The following COX7B2 variants were observed in gnomAD, a reference collection of about 807,000 sequenced individuals.
COX7B2 encodes cytochrome c oxidase subunit 7B2, mitochondrial.
For missense variants in COX7B2, 109 were observed against 95.9 expected (o/e 1.14, Z -0.57); for synonymous variants, 37 against 32.1 (o/e 1.15, Z -0.51).
chr4:46,839,614 A>T lies in COX7B2; in HGVS notation c.-50+5346T>A, dbSNP rs532670027. On this transcript the variant is annotated intron_variant, in intron 2 of 2. Coordinates refer to ENST00000355591, the MANE Select transcript of COX7B2 (RefSeq NM_130902.3). ...AGAGATTCATTTCCTGATTATCGAA[A>T]TTTTTCATATTTTAGGGCATCCTGA... Among the ~76,000 whole-genome samples the T allele has an allele frequency of 2.0e-5, 3 of 152,098 alleles. No homozygotes were observed. In the South Asian group the frequency reaches 6.2e-4, roughly 32 times the overall value.
chr4:46,763,574 C>CT (rs1716350488), intron 2 of COX7B2, among the ~76,000 whole-genome samples: 1 of 151,968 alleles, frequency 6.6e-6, no homozygotes, highest in South Asian at 2.1e-4. Context: ...AAATTTAGCC[C>CT]TTTTTTCATC....
At position 46,840,193 on chromosome 4, in the gene COX7B2, A is replaced by G. The variant is rs145830625; in HGVS notation, c.-50+4767T>C. Among the ~76,000 whole-genome samples, 74 of 152,092 alleles carry G rather than the reference A, an allele frequency of 4.9e-4. 1 individual carries two copies. In the East Asian group the frequency reaches 0.014, roughly 28 times the overall value. On this transcript the variant is annotated intron_variant, in intron 2 of 2. Transcript: ENST00000355591. ...ATCATGTCTACCTTCCAGGAATGAG[A>G]AAGGAGGAAGGGGCCTGAAGGAAGA...
At chr4:46,847,313 G>A (rs754297883) in intron 1 of COX7B2, among the ~76,000 whole-genome samples, 6 of 152,080 alleles carry the variant, frequency 3.9e-5, no homozygotes, top group Admixed American at 2.6e-4. Context: ...AAGGAACTGA[G>A]GGAAGCCTCT....
intron 2 of COX7B2, among the ~76,000 whole-genome samples, chr4:46,810,019 G>A (rs914030401): frequency 1.3e-5 from 2 of 151,824 alleles, no homozygotes; most frequent in African/African-American, 4.8e-5. Flanking sequence ...GTTACTTTTT[G>A]ACTTCAAGTC....
At chr4:46,760,101 T>C (rs1577672591) in intron 2 of COX7B2, among the ~76,000 whole-genome samples, 1 of 151,996 alleles carries the variant, frequency 6.6e-6, no homozygotes, top group Non-Finnish European at 1.5e-5. Flanking sequence ...ATAATCTATA[T>C]GTGGAAGGAA....
At chr4:46,763,590 T>C (rs1312190770) in intron 2 of COX7B2, among the ~76,000 whole-genome samples, 1 of 152,142 alleles carries the variant, frequency 6.6e-6, no homozygotes, top group Non-Finnish European at 1.5e-5. Flanking sequence ...TCATCACGCT[T>C]ATTTATAACT....
chr4:46,763,505 C>A (rs1231837459), intron 2 of COX7B2, among the ~76,000 whole-genome samples: 2 of 151,660 alleles, frequency 1.3e-5, no homozygotes, highest in Admixed American at 1.3e-4. Context: ...CAAAACATGG[C>A]CTCCCATTCT....
chr4:46,841,964 A>G (rs1486013314), intron 2 of COX7B2, among the ~76,000 whole-genome samples: 2 of 152,026 alleles, frequency 1.3e-5, no homozygotes, highest in Admixed American at 1.3e-4. Context: ...CATCAAACTT[A>G]TACTATGCTC....
At chr4:46,736,163 T>G (rs1317204492) in intron 2 of COX7B2, among the ~76,000 whole-genome samples, 1 of 152,224 alleles carries the variant, frequency 6.6e-6, no homozygotes, top group African/African-American at 2.4e-5. Flanking sequence ...AAGCCCTCTG[T>G]GCTCTGCTTA....
intron 2 of COX7B2, among the ~76,000 whole-genome samples, chr4:46,782,409 C>T (rs1388023500): frequency 6.6e-6 from 1 of 151,768 alleles, no homozygotes; most frequent in Admixed American, 6.6e-5. Context: ...ACTTTTGTGC[C>T]TAGCTAAAGG....
At chr4:46,780,084 G>A (rs1032853362) in intron 2 of COX7B2, among the ~76,000 whole-genome samples, 1 of 152,056 alleles carries the variant, frequency 6.6e-6, no homozygotes. Flanking sequence ...AAAATAAAGT[G>A]TATTACAAGT....
chr4:46,871,974 T>C lies in COX7B2; in HGVS notation c.-104-26960A>G, dbSNP rs115469649. On this transcript the variant is annotated intron_variant, in intron 1 of 2. Coordinates refer to ENST00000355591, the MANE Select transcript of COX7B2 (RefSeq NM_130902.3). ...AACCCAGCAATCCTATTATTGGGTA[T>C]ATACCTAGAGGACTATAAAACAGTC... Among the ~76,000 whole-genome samples, 1,266 of 152,282 alleles carry C rather than the reference T, an allele frequency of 8.3e-3. 17 individuals are homozygous for C. The highest frequency in any genetic ancestry group is 0.029 in the African/African-American group (1,205 of 41,540).
chr4:46,752,325 G>A (rs146455153), intron 2 of COX7B2, among the ~76,000 whole-genome samples: 1 of 149,680 alleles, frequency 6.7e-6, no homozygotes, highest in Non-Finnish European at 1.5e-5. Context: ...TGGGCTGAGA[G>A]GATGGGGTTT....
rs77523261 is a variant in COX7B2, at chr4:46,876,189, G to A, written c.-104-31175C>T. ...TTTTAAAAATACAACTGTACTAGCT[G>A]TACAATTACCAGGGATAGATTATTG... is the stretch of plus-strand genomic sequence containing the variant. On this transcript the variant is annotated intron_variant, in intron 1 of 2. Coordinates refer to ENST00000355591, the MANE Select transcript of COX7B2 (RefSeq NM_130902.3). Among the ~76,000 whole-genome samples, 7 of 152,214 alleles carry A rather than the reference G, an allele frequency of 4.6e-5. No homozygotes were observed. In the East Asian group the frequency reaches 1.4e-3, roughly 30 times the overall value.
At chr4:46,757,901 C>T (rs2109459697) in intron 2 of COX7B2, among the ~76,000 whole-genome samples, 1 of 152,198 alleles carries the variant, frequency 6.6e-6, no homozygotes, top group South Asian at 2.1e-4. Context: ...TGAAAAAAGC[C>T]CAATGTGACT....
chr4:46,781,696 A>G (rs1717458074), intron 2 of COX7B2, among the ~76,000 whole-genome samples: 1 of 152,152 alleles, frequency 6.6e-6, no homozygotes, highest in Non-Finnish European at 1.5e-5. Context: ...GAATGGTGGG[A>G]ACCTGGGCTG....
chr4:46,751,518 T>C (rs1363185420), intron 2 of COX7B2, among the ~76,000 whole-genome samples: 1 of 152,130 alleles, frequency 6.6e-6, no homozygotes, highest in East Asian at 1.9e-4. Context: ...CAAGTACATA[T>C]TGAAATAGTG....
intron 2 of COX7B2, among the ~76,000 whole-genome samples, chr4:46,820,750 G>A (rs573833881): frequency 2.6e-4 from 39 of 151,300 alleles, no homozygotes; most frequent in African/African-American, 9.0e-4. Context: ...GAACCTGGGA[G>A]GCAGAGGTTG....
intron 2 of COX7B2, among the ~76,000 whole-genome samples, chr4:46,831,248 T>G (rs1035238803): frequency 5.3e-5 from 8 of 152,034 alleles, no homozygotes; most frequent in African/African-American, 1.7e-4. Flanking sequence ...GCGCTTGATT[T>G]CTCACCAGGC....
Sources: gnomAD v4.1 joint callset for allele counts (sites outside exome capture counted in the v4.1 genomes callset) on GRCh38, gnomAD v4.1.1 for gene constraint, MANE v1.5 for transcripts, NCBI Gene and HGNC (gene_info 2026-07-23, HGNC 2026-07-21) for gene names.